FREM3: variants seen among roughly 807,000 people sequenced by gnomAD.
The protein encoded by FREM3 is FRAS1 related extracellular matrix 3.
Under a neutral mutation model 129.1 loss-of-function variants are expected in FREM3, and 105 were observed. That is an observed-to-expected ratio of 0.81 (90% CI 0.69 to 0.96). The LOEUF (loss-of-function observed/expected upper bound fraction) is 0.96, where lower values mean the gene tolerates loss of function less well. Among genes scored for constraint, FREM3 ranks in the 40% least tolerant of loss-of-function variants. The pLI is 0.00. For missense variants in FREM3, 2,593 were observed against 2,666.3 expected (o/e 0.97, Z 0.61); for synonymous variants, 1,014 against 1,044.9 (o/e 0.97, Z 0.57).
chr4:143,580,060 A>G (rs1025370450), intron 7 of FREM3, among the ~76,000 whole-genome samples: 4 of 152,232 alleles, frequency 2.6e-5, no homozygotes, highest in African/African-American at 9.6e-5. Flanking sequence ...TCATGGATAC[A>G]TACACAGTGA....
Position 143,699,829 on chromosome 4 carries a change from C to T in FREM3, c.847G>A (p.Gly283Ser). 6.5e-7 allele frequency: 1 copy of T among 1,536,558 alleles called. No individual in the cohort carries two copies. Among genetic ancestry groups the T allele is most frequent in the Non-Finnish European group, 8.7e-7 (1 of 1,146,910 alleles). Reference sequence around the variant, plus strand: ...TGGAAGTGCTCGCGGACCAGCACACCCGCGGACCCAGCGTCTTGGCCCTCA... The same window carrying T: ...TGGAAGTGCTCGCGGACCAGCACACTCGCGGACCCAGCGTCTTGGCCCTCA... Reference protein sequence around the residue: ...GPEGQDAGSAGVLVREHFQLL... With the variant: ...GPEGQDAGSASVLVREHFQLL... The change falls in exon 1 of 8, where the codon GGT becomes AGT. Residue 283 changes from glycine to serine, a missense_variant. Gly to Ser is a moderately conservative substitution (Grantham distance 56, BLOSUM62 0). Coordinates refer to ENST00000329798, the MANE Select transcript of FREM3 (RefSeq NM_001168235.2). The surrounding 1 kb of genome is among the most constrained non-coding windows in gnomAD (Gnocchi z 4.2).
rs1436641148 is a variant in FREM3, at chr4:143,700,669, C to T, written c.7G>A (p.Gly3Arg). ...GTCCCAGTCGGGTGCCGAGAAGCCC[C>T]CGCCATGGCCACGGATGGCTCCTGG... The part of the protein sequence containing the change: MA[G>R]ASRHPTGTPR... Residue 3 changes from glycine to arginine, a missense_variant, in exon 1 of 8, where the codon GGG becomes AGG. Coordinates refer to ENST00000329798, the MANE Select transcript of FREM3 (RefSeq NM_001168235.2). The T allele has an allele frequency of 7.0e-7, 1 of 1,426,462 alleles. No homozygotes were observed. The highest frequency in any genetic ancestry group is 1.5e-5 in the African/African-American group (1 of 68,284). 88.4% of individuals were successfully genotyped at this position (1,426,462 alleles called of 1,614,324 possible). A position where few individuals can be genotyped will look rare whatever the true frequency, so the allele number is the denominator to read the frequency against.
chr4:143,679,267 G>A (rs1405211714), intron 2 of FREM3, among the ~76,000 whole-genome samples: 1 of 152,122 alleles, frequency 6.6e-6, no homozygotes, highest in Non-Finnish European at 1.5e-5. Flanking sequence ...GGTTACGAGT[G>A]TGCCCATTAA....
chr4:143,682,987 G>C (rs923949413), intron 2 of FREM3, among the ~76,000 whole-genome samples: 4 of 152,162 alleles, frequency 2.6e-5, no homozygotes, highest in African/African-American at 4.8e-5. Context: ...GTGAAAGAGG[G>C]AGACAGGGGA....
At position 143,698,917 on chromosome 4, in the gene FREM3, G is replaced by T. The variant is rs750119589; in HGVS notation, c.1759C>A (p.Pro587Thr). The T allele has an allele frequency of 6.5e-7, 1 of 1,537,406 alleles. No homozygotes were observed. The highest frequency in any genetic ancestry group is 1.2e-5 in the South Asian group (1 of 84,054). ...STIHFVLENQ[P>T]LKGNEEEPQW... ...GGCTCTTCCTCATTTCCTTTTAGGG[G>T]CTGGTTCTCCAGCACAAAGTGGATG... Residue 587 changes from proline (P) to threonine (T), a missense_variant, in exon 1 of 8, where the codon CCC becomes ACC. Transcript: ENST00000329798.
Position 143,700,005 on chromosome 4 carries a change from C to G in FREM3, c.671G>C (p.Gly224Ala). Residue 224 changes from glycine to alanine, a missense_variant, in exon 1 of 8, where the codon GGG (glycine) becomes GCG (alanine). Coordinates refer to ENST00000329798, the MANE Select transcript of FREM3 (RefSeq NM_001168235.2). ...PHEDGPLPKY[G>A]RLVDAVGAPL... ...GGCCCCCACCGCGTCCACCAAGCGC[C>G]CGTACTTGGGCAGGGGGCCGTCCTC... 2.7e-6 allele frequency: 4 copies of G among 1,502,790 alleles called. No homozygotes were observed. In the South Asian group the frequency reaches 3.8e-5, roughly 14 times the overall value. The allele number at this position is 1,502,790 out of a possible 1,614,324, so 93.1% of individuals were successfully genotyped here.
intron 2 of FREM3, among the ~76,000 whole-genome samples, chr4:143,628,383 C>T (rs926852617): frequency 6.6e-6 from 1 of 152,136 alleles, no homozygotes; most frequent in African/African-American, 2.4e-5. Flanking sequence ...TCTGAAAGAT[C>T]AACCCAGCCC....
At chr4:143,609,477 A>G (rs1437280186) in intron 6 of FREM3, among the ~76,000 whole-genome samples, 1 of 148,382 alleles carries the variant, frequency 6.7e-6, no homozygotes, top group Non-Finnish European at 1.5e-5. Flanking sequence ...TATGTAGAAA[A>G]TGTAAAAAAA....
intron 2 of FREM3, among the ~76,000 whole-genome samples, chr4:143,642,969 C>T (rs764708881): frequency 9.2e-5 from 14 of 152,096 alleles, no homozygotes; most frequent in Admixed American, 3.3e-4. Flanking sequence ...CCTTAATAAA[C>T]ATTTCTCAAA....
chr4:143,654,483 A>T (rs1324824496), intron 2 of FREM3, among the ~76,000 whole-genome samples: 1 of 152,216 alleles, frequency 6.6e-6, no homozygotes, highest in African/African-American at 2.4e-5. Context: ...AATGAGTGAG[A>T]TGTATCTGCT....
intron 1 of FREM3, among the ~76,000 whole-genome samples, chr4:143,694,761 A>C (rs1040666619): frequency 1.1e-4 from 16 of 152,360 alleles, no homozygotes; most frequent in African/African-American, 3.8e-4. Context: ...GCAATTCTGA[A>C]AATGTAACCC....
At chr4:143,649,521 G>T (rs966503901) in intron 2 of FREM3, among the ~76,000 whole-genome samples, 26 of 152,308 alleles carry the variant, frequency 1.7e-4, no homozygotes, top group African/African-American at 5.8e-4. Context: ...CCTTCACAAG[G>T]TTTAAATTTC....
Position 143,697,569 on chromosome 4 carries a change from C to A in FREM3, c.3107G>T (p.Ser1036Ile), listed in dbSNP as rs1216894592. The change falls in exon 1 of 8, where the codon AGC (serine) becomes ATC (isoleucine). Residue 1036 changes from serine to isoleucine, a missense_variant. Physicochemically the swap from Ser to Ile is moderately radical, Grantham distance 142. This residue lies in a region of FREM3 where 2,276 missense variants were observed against 2,267.2 expected (regional missense o/e 1.00). Coordinates refer to ENST00000329798, the MANE Select transcript of FREM3 (RefSeq NM_001168235.2). ...GTAAGAATCTTTGGAGAGGATGAGG[C>A]TGAAGGCATCGTGCTGCTTTTGAAA... ...VGFQKQHDAF[S>I]LILSKDSYQW... The A allele has an allele frequency of 2.8e-5, 43 of 1,537,360 alleles. No homozygotes were observed. In the East Asian group the frequency reaches 1.0e-3, roughly 36 times the overall value.
At position 143,699,392 on chromosome 4, in the gene FREM3, C is replaced by T; in HGVS notation, c.1284G>A (p.Met428Ile). ...GGCTAGCCACTGGGACCAGAGTATT[C>T]ATGGATTTCACTGTCACCATGAAGG... ...PFAFMVTVKS[M>I]NTLVPVASHN... Residue 428 changes from methionine to isoleucine, a missense_variant, in exon 1 of 8, where the codon ATG becomes ATA. Physicochemically the swap from Met to Ile is conservative, Grantham distance 10. Transcript: ENST00000329798. The surrounding 1 kb of genome is among the most constrained non-coding windows in gnomAD (Gnocchi z 4.2). 1 of 1,537,292 alleles carries T rather than the reference C, an allele frequency of 6.5e-7. No individual in the cohort carries two copies. The highest frequency in any genetic ancestry group is 8.7e-7 in the Non-Finnish European group (1 of 1,146,928).
intron 6 of FREM3, among the ~76,000 whole-genome samples, chr4:143,590,981 C>T (rs1329557606): frequency 4.6e-5 from 7 of 152,146 alleles, no homozygotes; most frequent in Admixed American, 6.5e-5. Context: ...GTGTATATGT[C>T]GAGGAATTTA....
In FREM3 at chr4:143,697,300, C is replaced by A. The variant is rs1428895959; in HGVS notation, c.3376G>T (p.Gly1126Cys). Residue 1126 changes from glycine (G) to cysteine (C), a missense_variant, in exon 1 of 8, where the codon GGT becomes TGT. This residue lies in a region of FREM3 where 2,276 missense variants were observed against 2,267.2 expected (regional missense o/e 1.00). Coordinates refer to ENST00000329798, the MANE Select transcript of FREM3 (RefSeq NM_001168235.2). ...CTACCAGACTGGGACATTTTTGAAC[C>A]AGGAGCTGATGCAATCTTTTCCAGG... ...GYLEKIASAP[G>C]SKMSQSGSPI... 1 of 1,537,108 alleles carries A rather than the reference C, an allele frequency of 6.5e-7. No individual in the cohort carries two copies. The highest frequency in any genetic ancestry group is 8.7e-7 in the Non-Finnish European group (1 of 1,146,908).
intron 2 of FREM3, among the ~76,000 whole-genome samples, chr4:143,651,045 T>C (rs1306610038): frequency 6.6e-6 from 1 of 152,208 alleles, no homozygotes; most frequent in African/African-American, 2.4e-5. Flanking sequence ...ATAATATTCA[T>C]ATGTTTCTAT....
rs552505071 is a variant in FREM3, at chr4:143,601,142, C to T, written c.6028+10137G>A. Among the ~76,000 whole-genome samples, 8 of 152,158 alleles carry T rather than the reference C, an allele frequency of 5.3e-5. No homozygotes were observed. The East Asian group carries it at 1.4e-3, about 26-fold the overall frequency. ...GATACTATTTCTTCTGAACAGTTTCCTGGGTTTTTACAGCATAGCAATATA... is the reference window on the plus strand; with the variant it reads ...GATACTATTTCTTCTGAACAGTTTCTTGGGTTTTTACAGCATAGCAATATA... On this transcript the variant is annotated intron_variant, in intron 6 of 7. Coordinates refer to ENST00000329798, the MANE Select transcript of FREM3 (RefSeq NM_001168235.2).
At chr4:143,599,046 G>T (rs1212054702) in intron 6 of FREM3, among the ~76,000 whole-genome samples, 1 of 152,090 alleles carries the variant, frequency 6.6e-6, no homozygotes, top group Non-Finnish European at 1.5e-5. Context: ...GCTGGTTTTT[G>T]GATTTCTCAT....
Sources: allele counts gnomAD v4.1 joint callset (sites outside exome capture counted in the v4.1 genomes callset), GRCh38; gene constraint gnomAD v4.1.1; regional missense constraint gnomAD v4.1.1; non-coding constraint Gnocchi (gnomAD v3.1); transcripts MANE v1.5; gene names NCBI Gene and HGNC (gene_info 2026-07-23, HGNC 2026-07-21).